Variants in CAMKK2 observed in about 807,000 individuals in gnomAD.
CAMKK2 encodes the protein calcium/calmodulin-dependent protein kinase kinase 2.
A neutral mutation model predicts 67.2 loss-of-function variants in CAMKK2; 30 were observed. The ratio of observed to expected loss-of-function variants is 0.45; its 90% CI spans 0.33 to 0.61. The LOEUF is 0.61. CAMKK2 is among the 20% of genes least tolerant of loss of function. The pLI, the probability that CAMKK2 is intolerant of heterozygous loss-of-function variation, is 0.02. For missense variants in CAMKK2, 643 were observed against 802.0 expected, an observed-to-expected ratio of 0.80 and a Z score of 2.39; for synonymous variants, 322 against 326.2, an observed-to-expected ratio of 0.99 and a Z score of 0.14.
Position 121,240,749 on chromosome 12 carries a change from G to C in CAMKK2, c.1717C>G (p.Pro573Ala), listed in dbSNP as rs776152407. The change falls in exon 17 of 17, where the codon CCC becomes GCC. Residue 573 changes from proline (P) to alanine (A), a missense_variant. By Grantham distance (27) the Pro-to-Ala change is conservative (BLOSUM62 -1). This residue lies in a region of CAMKK2 where 140 missense variants were observed against 124.2 expected (regional missense o/e 1.13). Transcript: ENST00000404169. The surrounding 1 kb of genome is among the most constrained non-coding windows in gnomAD (Gnocchi z 4.4). ...ESCWAPAPGS[P>A]ARMHPLRPEE... ...GGCCGCAGTGGATGCATGCGTGCGG[G>C]GGAGCCGGGGGCGGGGGCCCAGCAA... 1.2e-6 allele frequency: 2 copies of C among 1,608,988 alleles called. No individual in the cohort carries two copies. Among genetic ancestry groups the C allele is most frequent in the African/African-American group, 1.3e-5 (1 of 74,832 alleles).
At chr12:121,291,536 A>G (rs1334397736) in intron 1 of CAMKK2, among the ~76,000 whole-genome samples, 1 of 152,232 alleles carries the variant, frequency 6.6e-6, no homozygotes, top group African/African-American at 2.4e-5. Flanking sequence ...GTCATATATT[A>G]CATGATTCTA....
rs145040394 is a variant in CAMKK2 at position 121,285,641 on chromosome 12, G to A, written c.-60+10997C>T. On this transcript the variant is annotated intron_variant, in intron 1 of 16. Coordinates refer to ENST00000404169, the MANE Select transcript of CAMKK2 (RefSeq NM_001270485.2). This position sits in a 1 kb window ranked among gnomAD's most constrained non-coding sequence, Gnocchi z 4.1. ...CTGGGCAACATGGCGAGACCTCATCGCTACAAAAATACAAAAAAAACCTAG... is the reference window on the plus strand; with the variant it reads ...CTGGGCAACATGGCGAGACCTCATCACTACAAAAATACAAAAAAAACCTAG... Among the ~76,000 whole-genome samples the A allele has an allele frequency of 2.6e-5, 4 of 151,992 alleles. No individual in the cohort carries two copies. The highest frequency in any genetic ancestry group is 1.9e-4 in the East Asian group (1 of 5,158).
At chr12:121,246,253 CGG>C (rs146641557) in intron 14 of CAMKK2, among the ~76,000 whole-genome samples, 2 of 83,302 alleles carry the variant, frequency 2.4e-5, no homozygotes, top group Admixed American at 1.2e-4. Flanking sequence ...AAAGAAGGAG[CGG>C]GGGGGGGGAG....
chr12:121,253,211 C>T lies in CAMKK2; in HGVS notation c.1107+62G>A. 1.4e-6 allele frequency: 2 copies of T among 1,466,870 alleles called. No homozygotes were observed. The highest frequency in any genetic ancestry group is 1.9e-6 in the Non-Finnish European group (2 of 1,050,146). 90.9% of individuals were successfully genotyped at this position (1,466,870 alleles called of 1,614,324 possible). On this transcript the variant is annotated intron_variant, in intron 10 of 16. Transcript: ENST00000404169. The surrounding 1 kb of genome is among the most constrained non-coding windows in gnomAD (Gnocchi z 5.0). ...GCCTGTGTGCGTTGGGTTTCTGCTGCTTACAATCCAGAAGACACTAACACA... is the reference window on the plus strand; with the variant it reads ...GCCTGTGTGCGTTGGGTTTCTGCTGTTTACAATCCAGAAGACACTAACACA...
chr12:121,257,389 G>A (rs1186197857), intron 7 of CAMKK2, among the ~76,000 whole-genome samples: 8 of 152,152 alleles, frequency 5.3e-5, no homozygotes, highest in African/African-American at 1.9e-4. Context: ...TGGGACTACA[G>A]GCACCTGCCA....
Position 121,248,691 on chromosome 12 carries a change from G to C in CAMKK2, c.1367C>G (p.Ser456Trp). Residue 456 changes from serine (S) to tryptophan (W), a missense_variant, in exon 14 of 17, where the codon TCG becomes TGG. By Grantham distance (177) the Ser-to-Trp change is radical (BLOSUM62 -3). Transcript: ENST00000404169. ...VTRHGAEPLPSEDENCTLVEV... is the reference protein window; with the variant it reads ...VTRHGAEPLPWEDENCTLVEV... ...GACCAGCGTGCAGTTCTCATCCTCCGACGGCAACGGCTCCGCCCCATGCCT... is the reference window on the plus strand; with the variant it reads ...GACCAGCGTGCAGTTCTCATCCTCCCACGGCAACGGCTCCGCCCCATGCCT... 6.2e-7 allele frequency: 1 copy of C among 1,614,204 alleles called. No homozygotes were observed. Among genetic ancestry groups the C allele is most frequent in the Non-Finnish European group, 8.5e-7 (1 of 1,180,020 alleles).
chr12:121,257,159 G>C (rs558612448), intron 7 of CAMKK2, among the ~76,000 whole-genome samples: 1 of 152,114 alleles, frequency 6.6e-6, no homozygotes, highest in South Asian at 2.1e-4. Flanking sequence ...TTCCATGATG[G>C]GATTATTATG....
intron 6 of CAMKK2, among the ~76,000 whole-genome samples, chr12:121,260,728 G>A (rs545182284): frequency 7.2e-5 from 11 of 152,132 alleles, no homozygotes; most frequent in Middle Eastern, 3.4e-3. Context: ...CGAGGCGGGC[G>A]GATCACCTGA....
At position 121,240,800 on chromosome 12, in the gene CAMKK2, C is replaced by G; in HGVS notation, c.1666G>C (p.Val556Leu). The G allele has an allele frequency of 6.2e-7, 1 of 1,611,710 alleles. No individual in the cohort carries two copies. Among genetic ancestry groups the G allele is most frequent in the South Asian group, 1.1e-5 (1 of 90,980 alleles). Residue 556 changes from valine to leucine, a missense_variant, in exon 17 of 17, where the codon GTG becomes CTG. Val to Leu is a conservative substitution (Grantham distance 32). Transcript: ENST00000404169. This position sits in a 1 kb window ranked among gnomAD's most constrained non-coding sequence, Gnocchi z 4.4. Reference sequence around the variant, plus strand: ...CTTTCCACGCAGGGACTGCCTCTCACAAGAGCACTTCCTCCTCCCCCACGG... The same window carrying G: ...CTTTCCACGCAGGGACTGCCTCTCAGAAGAGCACTTCCTCCTCCCCCACGG... ...APRGGGGSAL[V>L]RGSPCVESCW... is the part of the protein sequence containing the mutation.
chr12:121,288,782 T>C (rs546101339), intron 1 of CAMKK2, among the ~76,000 whole-genome samples: 3 of 152,068 alleles, frequency 2.0e-5, no homozygotes, highest in Non-Finnish European at 4.4e-5. Context: ...CAGGTTGGGA[T>C]TAGCATTTTT....
intron 1 of CAMKK2, among the ~76,000 whole-genome samples, chr12:121,288,555 T>C (rs1899261701): frequency 6.6e-6 from 1 of 151,884 alleles, no homozygotes; most frequent in African/African-American, 2.4e-5. Flanking sequence ...AAAAAGGGAG[T>C]GTGCTCTCCC....
upstream of CAMKK2, chr12:121,297,780 C>T (rs1177996091): frequency 2.1e-6 from 1 of 475,780 alleles, no homozygotes; most frequent in Non-Finnish European, 4.2e-6. Flanking sequence ...CAGCCCGTTC[C>T]GATGTGCTTC....
intron 1 of CAMKK2, among the ~76,000 whole-genome samples, chr12:121,286,369 C>G (rs1898738537): frequency 6.6e-6 from 1 of 152,178 alleles, no homozygotes; most frequent in South Asian, 2.1e-4. Context: ...GGCTGATGAA[C>G]AGGGAGAGGA....
Position 121,293,566 on chromosome 12 carries a change from C to A in CAMKK2, c.-60+3072G>T, listed in dbSNP as rs550350205. ...AATTTGAGCCAAAATGCCTTGAAAACAGGCTTGGCCTGCCCCACTTGGCCT... is the reference window on the plus strand; with the variant it reads ...AATTTGAGCCAAAATGCCTTGAAAAAAGGCTTGGCCTGCCCCACTTGGCCT... On this transcript the variant is annotated intron_variant, in intron 1 of 16. Coordinates refer to ENST00000404169, the MANE Select transcript of CAMKK2 (RefSeq NM_001270485.2). Among the ~76,000 whole-genome samples the A allele has an allele frequency of 2.4e-4, 37 of 152,090 alleles. 1 individual carries two copies. Among genetic ancestry groups the A allele is most frequent in the Admixed American group, 2.1e-3 (32 of 15,250 alleles).
At chr12:121,267,202 T>C (rs2948119) in intron 5 of CAMKK2, among the ~76,000 whole-genome samples, 84,218 of 143,366 alleles carry the variant, frequency 0.59, 27,235 homozygotes, top group African/African-American at 0.88. Flanking sequence ...CTCCGCCTCC[T>C]GGGTTCCAGC....
chr12:121,274,538 C>T lies in CAMKK2; in HGVS notation c.-12G>A, dbSNP rs567000654. 4.4e-6 allele frequency: 7 copies of T among 1,582,668 alleles called. No homozygotes were observed. In the South Asian group the frequency reaches 4.5e-5, roughly 10 times the overall value. ...ACACATGATGACATGGTGCATGCGC[C>T]AGCTTCATCCAGCACACTGGGGCAC... On this transcript the variant is annotated 5_prime_UTR_variant, in exon 2 of 17. Transcript: ENST00000404169.
intron 3 of CAMKK2, among the ~76,000 whole-genome samples, chr12:121,270,273 G>A (rs1895487045): frequency 6.6e-6 from 1 of 151,920 alleles, no homozygotes; most frequent in South Asian, 2.1e-4. Flanking sequence ...GGGAGGCTGA[G>A]GCAGGAGAAT....
chr12:121,244,729 T>G (rs1005054324), intron 15 of CAMKK2, 114 bp from the exon 16 acceptor site: 7 of 860,704 alleles, frequency 8.1e-6, no homozygotes, highest in Middle Eastern at 2.2e-4. Context: ...TTCATAGAGC[T>G]GGAGCCAGGG....
Position 121,253,201 on chromosome 12 carries a change from G to C in CAMKK2, c.1107+72C>G. 1 of 1,380,470 alleles carries C rather than the reference G, an allele frequency of 7.2e-7. No homozygotes were observed. The highest frequency in any genetic ancestry group is 1.0e-6 in the Non-Finnish European group (1 of 975,168). The allele number at this position is 1,380,470 out of a possible 1,614,324, so 85.5% of individuals were successfully genotyped here. A position where few individuals can be genotyped will look rare whatever the true frequency, so the allele number is the denominator to read the frequency against. ...CACTGTTTAAGCCTGTGTGCGTTGGGTTTCTGCTGCTTACAATCCAGAAGA... is the reference window on the plus strand; with the variant it reads ...CACTGTTTAAGCCTGTGTGCGTTGGCTTTCTGCTGCTTACAATCCAGAAGA... On this transcript the variant is annotated intron_variant, in intron 10 of 16. Transcript: ENST00000404169. This position sits in a 1 kb window ranked among gnomAD's most constrained non-coding sequence, Gnocchi z 5.0.
Sources: allele counts gnomAD v4.1 joint callset (sites outside exome capture counted in the v4.1 genomes callset), GRCh38; gene constraint gnomAD v4.1.1; regional missense constraint gnomAD v4.1.1; non-coding constraint Gnocchi (gnomAD v3.1); transcripts MANE v1.5; gene names NCBI Gene and HGNC (gene_info 2026-07-23, HGNC 2026-07-21).